BCAS3: variants seen among roughly 807,000 people sequenced by gnomAD.
BCAS3 encodes the protein BCAS3 microtubule associated cell migration factor, also known as BCAS4/BCAS3 fusion.
In BCAS3, 53 loss-of-function variants were observed where a neutral mutation model predicts 116.1. The observed-to-expected ratio is 0.46, with a 90% CI of 0.37 to 0.57. BCAS3 has a LOEUF of 0.57. Among genes scored for constraint, BCAS3 ranks in the 20% least tolerant of loss-of-function variants. The probability of loss-of-function intolerance (pLI) is 0.00; values close to 1 mark genes in which losing one functional copy is unlikely to be tolerated. For missense variants in BCAS3, 917 were observed against 1,165.4 expected (o/e 0.79, Z 3.10); for synonymous variants, 391 against 408.2 (o/e 0.96, Z 0.51).
intron 7 of BCAS3, among the ~76,000 whole-genome samples, chr17:60,826,791 A>C (rs2050469298): frequency 6.6e-6 from 1 of 152,210 alleles, no homozygotes. Context: ...TGGGACATAA[A>C]GAAAGATCAC....
rs112435372 is a variant in BCAS3 at position 61,097,589 on chromosome 17, A to G, written c.2425+13025A>G. Among the ~76,000 whole-genome samples, 1 of 152,196 alleles carries G rather than the reference A, an allele frequency of 6.6e-6. No homozygotes were observed. The highest frequency in any genetic ancestry group is 2.4e-5 in the African/African-American group (1 of 41,446). On this transcript the variant is annotated intron_variant, in intron 22 of 23. Coordinates refer to ENST00000407086, the MANE Select transcript of BCAS3 (RefSeq NM_017679.5). The surrounding 1 kb of genome is among the most constrained non-coding windows in gnomAD (Gnocchi z 4.0). Reference sequence around the variant, plus strand: ...CAGTGTGAGATCCCCATGTCTGAATAATCAAGAGGCTCTATGAGGAATCTT... The same window carrying G: ...CAGTGTGAGATCCCCATGTCTGAATGATCAAGAGGCTCTATGAGGAATCTT...
At chr17:61,287,744 CAAAA>C (rs879582551) in intron 22 of BCAS3, among the ~76,000 whole-genome samples, 1 of 149,048 alleles carries the variant, frequency 6.7e-6, no homozygotes, top group Non-Finnish European at 1.5e-5. Flanking sequence ...AAAAACAAAA[CAAAA>C]AAAACACCAA....
chr17:61,238,155 C>T (rs944366328), intron 22 of BCAS3, among the ~76,000 whole-genome samples: 4 of 151,976 alleles, frequency 2.6e-5, no homozygotes, highest in Non-Finnish European at 5.9e-5. Flanking sequence ...TGGGTTCAAG[C>T]GATTTTCCTA....
intron 13 of BCAS3, among the ~76,000 whole-genome samples, chr17:60,932,287 CTGAG>C (rs1444918572): frequency 1.3e-5 from 2 of 152,040 alleles, no homozygotes; most frequent in Admixed American, 6.6e-5. Flanking sequence ...ATACTTGATA[CTGAG>C]TAAGTGTACA....
Position 60,990,232 on chromosome 17 carries a change from C to CA in BCAS3, c.1484dup (p.His495GlnfsTer11). On this transcript the variant is annotated frameshift_variant, in exon 15 of 24. Coordinates refer to ENST00000407086, the MANE Select transcript of BCAS3 (RefSeq NM_017679.5). LOFTEE classifies it high-confidence loss of function. The surrounding 1 kb of genome is among the most constrained non-coding windows in gnomAD (Gnocchi z 5.1). ...AAGCAGCCCTTCTGGGTCACCCTTGCATGGTAATTTTCTCTGTCTCCACTG... is the reference window on the plus strand; with the variant it reads ...AAGCAGCCCTTCTGGGTCACCCTTGCAATGGTAATTTTCTCTGTCTCCACTG... 6.2e-7 allele frequency: 1 copy of CA among 1,612,444 alleles called. No homozygotes were observed. Among genetic ancestry groups the CA allele is most frequent in the Non-Finnish European group, 8.5e-7 (1 of 1,178,662 alleles).
intron 22 of BCAS3, among the ~76,000 whole-genome samples, chr17:61,260,773 C>T (rs545367315): frequency 3.3e-5 from 5 of 152,086 alleles, no homozygotes; most frequent in Admixed American, 1.3e-4. Context: ...GCAATTTTGC[C>T]GTAAAACGCC....
At chr17:61,195,396 G>A (rs1250229938) in intron 22 of BCAS3, among the ~76,000 whole-genome samples, 6 of 152,116 alleles carry the variant, frequency 3.9e-5, no homozygotes, top group Non-Finnish European at 8.8e-5. Flanking sequence ...GTCTCATTCT[G>A]TTGTCTAGGC....
intron 19 of BCAS3, 46 bp downstream of exon 19, chr17:61,040,938 A>G: frequency 6.7e-7 from 1 of 1,484,928 alleles, no homozygotes; most frequent in Non-Finnish European, 9.4e-7. Flanking sequence ...GTCTATTCAG[A>G]TTTCATCTTA....
chr17:61,121,277 A>C (rs1213471561), intron 22 of BCAS3, among the ~76,000 whole-genome samples: 2 of 152,332 alleles, frequency 1.3e-5, no homozygotes, highest in East Asian at 1.9e-4. Context: ...TCATGAAGTT[A>C]AAATCTCATG....
chr17:61,369,808 G>C (rs2058953055), intron 23 of BCAS3, among the ~76,000 whole-genome samples: 1 of 152,224 alleles, frequency 6.6e-6, no homozygotes, highest in South Asian at 2.1e-4. Flanking sequence ...GCATTTACCA[G>C]GGCTTGACTT....
rs1277432022 is a variant in BCAS3, at chr17:61,136,648, C to T, written c.2425+52084C>T. Among the ~76,000 whole-genome samples the T allele has an allele frequency of 6.6e-6, 1 of 152,214 alleles. No individual in the cohort carries two copies. The highest frequency in any genetic ancestry group is 2.4e-5 in the African/African-American group (1 of 41,456). The stretch of plus-strand genomic sequence containing the variant: ...GATCTCAGCTCACTGCAACCTCTGC[C>T]TCCCAGGTTCAAGCAATTCTTATAC... On this transcript the variant is annotated intron_variant, in intron 22 of 23. Coordinates refer to ENST00000407086, the MANE Select transcript of BCAS3 (RefSeq NM_017679.5). This position sits in a 1 kb window ranked among gnomAD's most constrained non-coding sequence, Gnocchi z 4.4.
At chr17:60,759,785 C>T (rs947139145) in intron 6 of BCAS3, among the ~76,000 whole-genome samples, 4 of 152,124 alleles carry the variant, frequency 2.6e-5, no homozygotes, top group African/African-American at 7.2e-5. Flanking sequence ...CCACCACAGC[C>T]TCCTGAGTAG....
intron 22 of BCAS3, among the ~76,000 whole-genome samples, chr17:61,317,661 G>A (rs1001041460): frequency 2.0e-5 from 3 of 152,334 alleles, no homozygotes; most frequent in South Asian, 2.1e-4. Flanking sequence ...AGAATTCAGC[G>A]AGACAAGACC....
In BCAS3 at chr17:61,139,852, A is replaced by G; in HGVS notation, c.2425+55288A>G. ...GTAATGGGTGATCAGAGAAAGTTTT[A>G]TGGAAAAAATGCCGTTTGAGCTAGA... On this transcript the variant is annotated intron_variant, in intron 22 of 23. Coordinates refer to ENST00000407086, the MANE Select transcript of BCAS3 (RefSeq NM_017679.5). The surrounding 1 kb of genome is among the most constrained non-coding windows in gnomAD (Gnocchi z 4.7). Among the ~76,000 whole-genome samples, 1 of 152,340 alleles carries G rather than the reference A, an allele frequency of 6.6e-6. No homozygotes were observed. Among genetic ancestry groups the G allele is most frequent in the African/African-American group, 2.4e-5 (1 of 41,572 alleles).
At position 61,004,890 on chromosome 17, in the gene BCAS3, T is replaced by C. The variant is rs1274489545; in HGVS notation, c.1487-10861T>C. On this transcript the variant is annotated intron_variant, in intron 15 of 23. Transcript: ENST00000407086. The surrounding 1 kb of genome is among the most constrained non-coding windows in gnomAD (Gnocchi z 4.8). ...TCCATTTTCTGTGTTAAGAGCCATC[T>C]CTAGTAAGGAATGCTTAATTAATGT... Among the ~76,000 whole-genome samples the C allele has an allele frequency of 2.6e-5, 4 of 152,270 alleles. No individual in the cohort carries two copies. The highest frequency in any genetic ancestry group is 5.9e-5 in the Non-Finnish European group (4 of 67,998).
At chr17:61,284,270 A>C (rs542923115) in intron 22 of BCAS3, among the ~76,000 whole-genome samples, 1 of 152,202 alleles carries the variant, frequency 6.6e-6, no homozygotes, top group South Asian at 2.1e-4. Context: ...GTTCCCTTCT[A>C]TGTCAGGAAG....
intron 6 of BCAS3, among the ~76,000 whole-genome samples, chr17:60,802,527 G>A (rs993814456): frequency 9.9e-5 from 15 of 151,710 alleles, no homozygotes; most frequent in Admixed American, 7.2e-4. Flanking sequence ...AATTTCTATT[G>A]TGTTCTTCCT....
At chr17:61,146,620 CTT>C (rs1449271112) in intron 22 of BCAS3, among the ~76,000 whole-genome samples, 1 of 152,128 alleles carries the variant, frequency 6.6e-6, no homozygotes, top group East Asian at 1.9e-4. Context: ...ATGATAGAAT[CTT>C]GAGCTAGAGT....
At chr17:60,736,878 TTCCCTCCCTCCCTCCC>T (rs145163889) in intron 5 of BCAS3, among the ~76,000 whole-genome samples, 11 of 148,074 alleles carry the variant, frequency 7.4e-5, no homozygotes, top group African/African-American at 2.8e-4. Context: ...CCTCTTTTCC[TTCCCTCCCTCCCTCCC>T]TCCCTTCCTC....
Sources: allele counts gnomAD v4.1 joint callset (sites outside exome capture counted in the v4.1 genomes callset), GRCh38; gene constraint gnomAD v4.1.1; non-coding constraint Gnocchi (gnomAD v3.1); transcripts MANE v1.5; gene names NCBI Gene and HGNC (gene_info 2026-07-23, HGNC 2026-07-21).